CTSC: variants seen among roughly 807,000 people sequenced by gnomAD.
The protein encoded by CTSC is cathepsin C, also known as dipeptidyl peptidase 1.
A neutral mutation model predicts 40.9 loss-of-function variants in CTSC; 37 were observed. The ratio of observed to expected loss-of-function variants is 0.91; its 90% confidence interval spans 0.70 to 1.19. The LOEUF (loss-of-function observed/expected upper bound fraction) is 1.19. CTSC is among the 50% of genes most tolerant of loss of function. CTSC has a pLI of 0.00. For missense variants in CTSC, 594 were observed against 567.3 expected (o/e 1.05, Z -0.48); for synonymous variants, 232 against 207.4 (o/e 1.12, Z -1.02).
chr11:88,312,813 CA>C (rs1233800007), intron 2 of CTSC, among the ~76,000 whole-genome samples: 1 of 151,968 alleles, frequency 6.6e-6, no homozygotes. Context: ...CAAAACAAAA[CA>C]AAAAAGAAAG....
chr11:88,319,967 A>G (rs1025180594), intron 2 of CTSC, among the ~76,000 whole-genome samples: 2 of 152,204 alleles, frequency 1.3e-5, no homozygotes, highest in African/African-American at 4.8e-5. Context: ...ACGTACAATT[A>G]CCTCCATTTG....
chr11:88,309,439 T>C, intron 3 of CTSC, 121 bp from the exon 4 acceptor site: 3 of 859,284 alleles, frequency 3.5e-6, no homozygotes, highest in Non-Finnish European at 5.9e-6. Flanking sequence ...GGAAGGTAAT[T>C]GGCAATATGT....
chr11:88,295,448 C>T (rs1288455958), intron 6 of CTSC, among the ~76,000 whole-genome samples: 1 of 151,652 alleles, frequency 6.6e-6, no homozygotes, highest in Admixed American at 6.6e-5. Flanking sequence ...GGCATGATAT[C>T]GGCTCACTGC....
At chr11:88,308,769 C>T (rs76637643) in intron 4 of CTSC, among the ~76,000 whole-genome samples, 10,248 of 152,044 alleles carry the variant, frequency 0.067, 420 homozygotes, top group East Asian at 0.1. Flanking sequence ...CCATCCCCCA[C>T]GTGGCATGGC....
intron 2 of CTSC, among the ~76,000 whole-genome samples, chr11:88,313,193 C>G (rs555609847): frequency 6.6e-6 from 1 of 152,272 alleles, no homozygotes; most frequent in African/African-American, 2.4e-5. Flanking sequence ...CCTCAACCTC[C>G]CGAGTAGCTG....
chr11:88,334,278 A>C (rs530777422), intron 2 of CTSC, among the ~76,000 whole-genome samples: 2 of 152,362 alleles, frequency 1.3e-5, no homozygotes, highest in Non-Finnish European at 2.9e-5. Flanking sequence ...ATGGGCTGCA[A>C]TTTGTGCTAA....
At position 88,334,958 on chromosome 11, in the gene CTSC, G is replaced by A; in HGVS notation, c.297C>T (p.Tyr99=). The A allele has an allele frequency of 6.2e-7, 1 of 1,612,692 alleles. No individual in the cohort carries two copies. Among genetic ancestry groups the A allele is most frequent in the Non-Finnish European group, 8.5e-7 (1 of 1,178,896 alleles). ...NQGFEIVLND[Y]KWFAFFKYKE... is the part of the protein sequence containing the mutation. ...TAACCTTAAAAAAGGCAAACCACTTGTAGTCATTCAACACAATCTCAAAGC... is the reference window on the plus strand; with the variant it reads ...TAACCTTAAAAAAGGCAAACCACTTATAGTCATTCAACACAATCTCAAAGC... Residue 99 remains tyrosine, a synonymous_variant, in exon 2 of 7, where the codon TAC becomes TAT. Transcript: ENST00000227266.
chr11:88,337,382 A>C (rs538211022), intron 1 of CTSC, 119 bp downstream of exon 1: 32 of 1,066,712 alleles, frequency 3.0e-5, no homozygotes, highest in Non-Finnish European at 4.1e-5. Context: ...GAATCCAGTC[A>C]AGATGCTCTG....
At chr11:88,331,118 AC>A (rs2134820558) in intron 2 of CTSC, among the ~76,000 whole-genome samples, 1 of 152,306 alleles carries the variant, frequency 6.6e-6, no homozygotes, top group East Asian at 1.9e-4. Context: ...GACTTCGGTG[AC>A]CCCAAAATAT....
chr11:88,303,157 G>A (rs1158584873), intron 4 of CTSC, among the ~76,000 whole-genome samples: 1 of 152,062 alleles, frequency 6.6e-6, no homozygotes, highest in Non-Finnish European at 1.5e-5. Context: ...TTCTCTCACT[G>A]AACACTATCA....
In CTSC at chr11:88,330,276, G is replaced by C. The variant is rs1007614205; in HGVS notation, c.318+4661C>G. Among the ~76,000 whole-genome samples, 4 of 152,124 alleles carry C rather than the reference G, an allele frequency of 2.6e-5. No individual in the cohort carries two copies. The East Asian group carries it at 7.7e-4, about 29-fold the overall frequency. On this transcript the variant is annotated intron_variant, in intron 2 of 6. Transcript: ENST00000227266. ...GCTTAGATACCCACCCACCTGAGTG[G>C]GCCCTAAATGTAATATGCAACTCCC...
At position 88,293,731 on chromosome 11, in the gene CTSC, A is replaced by G; in HGVS notation, c.*275T>C. On this transcript the variant is annotated 3_prime_UTR_variant, in exon 7 of 7. Coordinates refer to ENST00000227266, the MANE Select transcript of CTSC (RefSeq NM_001814.6). ...TCACATTGATTTTAAAAAATATAGC[A>G]TGTTTGAATTACAAATGATTAAGCA... is the stretch of plus-strand genomic sequence containing the variant. 1 of 443,276 alleles carries G rather than the reference A, an allele frequency of 2.3e-6. No individual in the cohort carries two copies. Among genetic ancestry groups the G allele is most frequent in the South Asian group, 3.0e-5 (1 of 33,836 alleles). The allele number at this position is 443,276 out of a possible 1,614,324, so 27.5% of individuals were successfully genotyped here.
intron 2 of CTSC, chr11:88,324,252 C>T: frequency 2.3e-6 from 1 of 427,152 alleles, no homozygotes; most frequent in Non-Finnish European, 3.1e-6. Context: ...CAAAAATTAA[C>T]TCAAGATGGA....
At chr11:88,330,324 T>C (rs1015168691) in intron 2 of CTSC, among the ~76,000 whole-genome samples, 3 of 152,234 alleles carry the variant, frequency 2.0e-5, no homozygotes, top group East Asian at 3.9e-4. Context: ...GATAATAAAA[T>C]GCCTGGAGGA....
chr11:88,321,565 G>A (rs778393240), intron 2 of CTSC: 1 of 152,114 alleles, frequency 6.6e-6, no homozygotes, highest in Non-Finnish European at 1.5e-5. Flanking sequence ...AGTTTGCTGA[G>A]GATAACAGCT....
chr11:88,316,221 GGCCTAGACT>G (rs1282677003), intron 2 of CTSC, among the ~76,000 whole-genome samples: 1 of 152,162 alleles, frequency 6.6e-6, no homozygotes, highest in Non-Finnish European at 1.5e-5. Flanking sequence ...AATGCCTTCA[GGCCTAGACT>G]GCCTAGACTG....
At chr11:88,302,646 A>G (rs964699591) in intron 4 of CTSC, among the ~76,000 whole-genome samples, 1 of 149,292 alleles carries the variant, frequency 6.7e-6, no homozygotes, top group East Asian at 1.9e-4. Flanking sequence ...AAAAAAAAAA[A>G]AAAAAGAATA....
At chr11:88,330,460 T>C (rs1938319373) in intron 2 of CTSC, among the ~76,000 whole-genome samples, 1 of 152,032 alleles carries the variant, frequency 6.6e-6, no homozygotes, top group Non-Finnish European at 1.5e-5. Flanking sequence ...GCAATTCTCC[T>C]GCCTCAGCCT....
At chr11:88,315,098 C>A (rs1321316969) in intron 2 of CTSC, among the ~76,000 whole-genome samples, 2 of 152,142 alleles carry the variant, frequency 1.3e-5, no homozygotes, top group African/African-American at 4.8e-5. Context: ...TAGGATGCAA[C>A]CTAAACTCCA....
Sources: allele counts gnomAD v4.1 joint callset (sites outside exome capture counted in the v4.1 genomes callset), GRCh38; gene constraint gnomAD v4.1.1; transcripts MANE v1.5; gene names NCBI Gene and HGNC (gene_info 2026-07-23, HGNC 2026-07-21).